The following PAM16 variants were observed in gnomAD, a reference collection of about 807,000 sequenced individuals.
PAM16 encodes the protein presequence translocase associated motor 16.
Under a neutral mutation model 17.9 loss-of-function variants are expected in PAM16, and 11 were observed. The ratio of observed to expected loss-of-function variants is 0.62; its 90% CI spans 0.39 to 1.02. The LOEUF (loss-of-function observed/expected upper bound fraction) is 1.02, where lower values mean the gene tolerates loss of function less well. PAM16 is among the 50% of genes least tolerant of loss of function. The pLI is 0.01. For synonymous variants in PAM16, 72 were observed against 67.4 expected (o/e 1.07, Z -0.34); for missense variants, 199 against 165.4 (o/e 1.20, Z -1.11).
chr16:4,341,794 A>T, intron 2 of PAM16: 1 of 447,184 alleles, frequency 2.2e-6, no homozygotes, highest in Non-Finnish European at 4.1e-6. Context: ...CCCATATCCC[A>T]GGGGAACAGC....
intron 1 of PAM16, chr16:4,344,116 G>C (rs2053695189): frequency 2.5e-6 from 1 of 397,150 alleles, no homozygotes; most frequent in Admixed American, 4.4e-5. Context: ...GAGGCCCTGG[G>C]GACTCACTAA....
chr16:4,344,131 T>A (rs2053695498), intron 1 of PAM16: 2 of 395,856 alleles, frequency 5.1e-6, no homozygotes, highest in Non-Finnish European at 4.4e-6. Flanking sequence ...CACTAAGATG[T>A]GAGCGGAAGC....
Position 4,351,283 on chromosome 16 carries a change from G to T in PAM16, c.-49C>A, listed in dbSNP as rs376049272. On this transcript the variant is annotated 5_prime_UTR_variant, in exon 1 of 5. Coordinates refer to ENST00000318059, the MANE Select transcript of PAM16 (RefSeq NM_016069.11). ...TCAAACTCCGACTTCCTGGCCCCGC[G>T]GCCGGGGATCAAGCGTGGTCGGCGG... 4 of 1,437,504 alleles carry T rather than the reference G, an allele frequency of 2.8e-6. No individual in the cohort carries two copies. The highest frequency in any genetic ancestry group is 2.8e-6 in the Non-Finnish European group (3 of 1,083,054). The allele number at this position is 1,437,504 out of a possible 1,614,324, so 89.0% of individuals were successfully genotyped here. A position where few individuals can be genotyped will look rare whatever the true frequency, so the allele number is the denominator to read the frequency against.
intron 1 of PAM16, 26 bp downstream of exon 1, chr16:4,351,206 C>G: frequency 7.2e-7 from 1 of 1,381,886 alleles, no homozygotes; most frequent in Non-Finnish European, 9.5e-7. Context: ...CTTCCCCTCC[C>G]CGGTAGCGCC....
rs139173715 is a variant in PAM16 at position 4,340,777 on chromosome 16, G to A, written c.291+143C>T. On this transcript the variant is annotated intron_variant, in intron 4 of 4. Transcript: ENST00000318059. Reference sequence around the variant, plus strand: ...GTGGCAGTTCAGGGGGCCTCCCTGAGGCTGGGGCACCATGGGAAAGCCTGG... The same window carrying A: ...GTGGCAGTTCAGGGGGCCTCCCTGAAGCTGGGGCACCATGGGAAAGCCTGG... 514 of 1,095,834 alleles carry A rather than the reference G, an allele frequency of 4.7e-4. 6 individuals are homozygous for A. In the East Asian group the frequency reaches 0.012, roughly 25 times the overall value. The allele number at this position is 1,095,834 out of a possible 1,614,324, so 67.9% of individuals were successfully genotyped here.
rs1049593931 is a variant in PAM16 at position 4,341,677 on chromosome 16, G to C, written c.89-173C>G. ...TTCCTTTTTAGGGGGTAGAGGCTGG[G>C]AAAGTGAGGACAGACGTGCCTCACT... On this transcript the variant is annotated intron_variant, in intron 2 of 4. Transcript: ENST00000318059. The C allele has an allele frequency of 1.1e-5, 12 of 1,129,264 alleles. No homozygotes were observed. In the Admixed American group the frequency reaches 1.4e-4, roughly 13 times the overall value. 70.0% of individuals were successfully genotyped at this position (1,129,264 alleles called of 1,614,324 possible). A position where few individuals can be genotyped will look rare whatever the true frequency, so the allele number is the denominator to read the frequency against.
chr16:4,351,025 G>A (rs1260649524), intron 1 of PAM16: 2 of 328,212 alleles, frequency 6.1e-6, no homozygotes, highest in Admixed American at 4.9e-5. Context: ...CCTCTTCCAG[G>A]CAGACGGTTT....
chr16:4,341,870 C>T (rs754314492), intron 2 of PAM16, among the ~76,000 whole-genome samples: 26 of 152,186 alleles, frequency 1.7e-4, no homozygotes, highest in Non-Finnish European at 2.8e-4. Flanking sequence ...GAGGGCTCTG[C>T]AGGGGCCCAG....
rs112260815 is a variant in PAM16, at chr16:4,341,078, A to G, written c.226-93T>C. On this transcript the variant is annotated intron_variant, in intron 3 of 4. Coordinates refer to ENST00000318059, the MANE Select transcript of PAM16 (RefSeq NM_016069.11). ...GGGGCCACGTGAGAGAGGCAACAGG[A>G]CTCCTCTCCACCCTGTGTGCCACAC... The G allele has an allele frequency of 1.5e-3, 2,212 of 1,468,682 alleles. 38 individuals are homozygous for G. In the African/African-American group the frequency reaches 0.027, roughly 18 times the overall value. 91.0% of individuals were successfully genotyped at this position (1,468,682 alleles called of 1,614,324 possible).
At chr16:4,342,088 C>T (rs778417497) in intron 2 of PAM16, among the ~76,000 whole-genome samples, 29 of 152,230 alleles carry the variant, frequency 1.9e-4, no homozygotes, top group East Asian at 3.8e-4. Flanking sequence ...CAGTGGCTCA[C>T]GCCTGTAATC....
chr16:4,348,109 C>T (rs1234337831), intron 1 of PAM16: 1 of 152,234 alleles, frequency 6.6e-6, no homozygotes, highest in Non-Finnish European at 1.5e-5. Context: ...CCCAGGGCCC[C>T]TGAGAATAGA....
intron 3 of PAM16, among the ~76,000 whole-genome samples, 175 bp downstream of exon 3, chr16:4,341,193 G>T (rs886529362): frequency 6.6e-6 from 1 of 152,246 alleles, no homozygotes; most frequent in East Asian, 1.9e-4. Context: ...TTTGTCTCTA[G>T]ACTGTCCTGC....
In PAM16 at chr16:4,340,330, G is replaced by C. The variant is rs1346611323; in HGVS notation, c.367C>G (p.Pro123Ala). ...AQEDREKGQM[P>A]HT is the part of the protein sequence containing the mutation. ...GGGGAGCCGAGCAGTCACGTATGGG[G>C]CATCTGCCCTTTTTCTCTGTCCTCC... The change falls in exon 5 of 5, where the codon CCC becomes GCC. Residue 123 changes from proline (P) to alanine (A), a missense_variant. Transcript: ENST00000318059. 1 of 1,612,758 alleles carries C rather than the reference G, an allele frequency of 6.2e-7. No individual in the cohort carries two copies. The highest frequency in any genetic ancestry group is 1.7e-5 in the Admixed American group (1 of 60,024).
chr16:4,343,699 T>C, intron 1 of PAM16: 1 of 530,844 alleles, frequency 1.9e-6, no homozygotes, highest in South Asian at 6.5e-5. Context: ...TCTTCCTGAG[T>C]TTCTGAGATC....
At chr16:4,351,000 A>G (rs942049874) in intron 1 of PAM16, 2 of 318,778 alleles carry the variant, frequency 6.3e-6, no homozygotes, top group Non-Finnish European at 1.1e-5. Context: ...GCACAGCGCG[A>G]CCACGTTTGC....
chr16:4,347,783 G>A (rs1280032773), intron 1 of PAM16: 1 of 152,244 alleles, frequency 6.6e-6, no homozygotes, highest in East Asian at 1.9e-4. Context: ...GGTCCCAGGT[G>A]AGAGGACCCA....
Position 4,351,265 on chromosome 16 carries a change from C to G in PAM16, c.-31G>C. ...CCGCTCTGCCTCCGGGGCTCAAACT[C>G]CGACTTCCTGGCCCCGCGGCCGGGG... is the stretch of plus-strand genomic sequence containing the variant. On this transcript the variant is annotated 5_prime_UTR_variant, in exon 1 of 5. Transcript: ENST00000318059. 6.8e-7 allele frequency: 1 copy of G among 1,463,734 alleles called. No homozygotes were observed. The highest frequency in any genetic ancestry group is 9.1e-7 in the Non-Finnish European group (1 of 1,100,060). The allele number at this position is 1,463,734 out of a possible 1,614,324, so 90.7% of individuals were successfully genotyped here.
rs762259105 is a variant in PAM16, at chr16:4,351,301, G to A, written c.-67C>T. ...GCCCCGCGGCCGGGGATCAAGCGTGGTCGGCGGGTCAGAGGTCAAGGAAAG... is the reference window on the plus strand; with the variant it reads ...GCCCCGCGGCCGGGGATCAAGCGTGATCGGCGGGTCAGAGGTCAAGGAAAG... On this transcript the variant is annotated 5_prime_UTR_variant, in exon 1 of 5. Coordinates refer to ENST00000318059, the MANE Select transcript of PAM16 (RefSeq NM_016069.11). The A allele has an allele frequency of 2.3e-5, 30 of 1,321,296 alleles. No homozygotes were observed. Among genetic ancestry groups the A allele is most frequent in the Admixed American group, 7.5e-5 (3 of 40,062 alleles). The allele number at this position is 1,321,296 out of a possible 1,614,324, so 81.8% of individuals were successfully genotyped here.
intron 2 of PAM16, chr16:4,341,721 C>G (rs1338904710): frequency 2.7e-6 from 2 of 745,524 alleles, no homozygotes; most frequent in Non-Finnish European, 4.2e-6. Flanking sequence ...AGGGCAGGAT[C>G]TGACCGCTAA....
Sources: gnomAD v4.1 joint callset for allele counts (sites outside exome capture counted in the v4.1 genomes callset) on GRCh38, gnomAD v4.1.1 for gene constraint, MANE v1.5 for transcripts, NCBI Gene and HGNC (gene_info 2026-07-23, HGNC 2026-07-21) for gene names.